The following PCNT variants were observed in gnomAD, a reference collection of about 807,000 sequenced individuals.
PCNT encodes kendrin.
In PCNT, 319 loss-of-function variants were observed where a neutral mutation model predicts 380.4. The observed-to-expected ratio is 0.84, with a 90% CI of 0.77 to 0.92. PCNT has a LOEUF of 0.92. Among genes scored for constraint, PCNT ranks in the 40% least tolerant of loss-of-function variants. The pLI is 0.00. For synonymous variants in PCNT, 1,845 were observed against 1,735.2 expected (o/e 1.06, Z -1.57); for missense variants, 4,400 against 4,255.3 (o/e 1.03, Z -0.95).
At position 46,416,291 on chromosome 21, in the gene PCNT, C is replaced by T. The variant is rs779317149; in HGVS notation, c.6373C>T (p.His2125Tyr). Reference sequence around the variant, plus strand: ...CGGAGAAGAGCCTGACATATCACCCCACATAGACACATGTGATGCCAATAC... The same window carrying T: ...CGGAGAAGAGCCTGACATATCACCCTACATAGACACATGTGATGCCAATAC... ...CDGEEPDISPHIDTCDANTAT... is the reference protein window; with the variant it reads ...CDGEEPDISPYIDTCDANTAT... The change falls in exon 30 of 47, where the codon CAC becomes TAC. Residue 2125 changes from histidine (H) to tyrosine (Y), a missense_variant. Coordinates refer to ENST00000359568, the MANE Select transcript of PCNT (RefSeq NM_006031.6). 6 of 1,614,018 alleles carry T rather than the reference C, an allele frequency of 3.7e-6. No individual in the cohort carries two copies. The highest frequency in any genetic ancestry group is 1.7e-5 in the Admixed American group (1 of 60,002).
chr21:46,390,817 C>A lies in PCNT; in HGVS notation c.3988C>A (p.Leu1330Met). Reference sequence around the variant, plus strand: ...AGCAAAGGCAGAGCTGGCGCTGGAGCTGCACAAGACTCAGGGTGAGCAGCA... The same window carrying A: ...AGCAAAGGCAGAGCTGGCGCTGGAGATGCACAAGACTCAGGGTGAGCAGCA... ...SAAKAELALE[L>M]HKTQGTLEGF... The change falls in exon 20 of 47, where the codon CTG (leucine) becomes ATG (methionine). Residue 1330 changes from leucine (L) to methionine (M), a missense_variant. Coordinates refer to ENST00000359568, the MANE Select transcript of PCNT (RefSeq NM_006031.6). 6.2e-7 allele frequency: 1 copy of A among 1,609,010 alleles called. No individual in the cohort carries two copies. Among genetic ancestry groups the A allele is most frequent in the Non-Finnish European group, 8.5e-7 (1 of 1,178,240 alleles).
At chr21:46,369,863 G>A (rs2085055338) in intron 15 of PCNT, among the ~76,000 whole-genome samples, 1 of 152,226 alleles carries the variant, frequency 6.6e-6, no homozygotes, top group Non-Finnish European at 1.5e-5. Context: ...TGCTCCTGGA[G>A]CATCAGCACC....
chr21:46,360,292 G>A lies in PCNT; in HGVS notation c.2154+3101G>A, dbSNP rs147022585. 2.7e-3 allele frequency among the ~76,000 whole-genome samples: 352 copies of A among 132,022 alleles called. 5 individuals are homozygous for A. The highest frequency in any genetic ancestry group is 9.9e-3 in the African/African-American group (342 of 34,448). The allele number at this position is 132,022 out of a possible 152,430, so 86.6% of individuals were successfully genotyped here. On this transcript the variant is annotated intron_variant, in intron 13 of 46. Transcript: ENST00000359568. ...GGCTGGAGTGCAGTGGCACGATCTC[G>A]GCTCACTGCAACCTCTGCCTCCCGG...
chr21:46,395,377 A>G (rs1420097621), intron 21 of PCNT, among the ~76,000 whole-genome samples: 1 of 152,184 alleles, frequency 6.6e-6, no homozygotes, highest in African/African-American at 2.4e-5. Flanking sequence ...AAATAATTAT[A>G]ATAAAATAGA....
rs775646699 is a variant in PCNT, at chr21:46,430,705, G to A, written c.8064+48G>A. The A allele has an allele frequency of 3.2e-5, 49 of 1,551,422 alleles. No homozygotes were observed. In the Middle Eastern group the frequency reaches 6.9e-4, roughly 22 times the overall value. The stretch of plus-strand genomic sequence containing the variant: ...CAGCCGGCATGGGCTGTGTGCACTG[G>A]AAGCCTGAAGCCATGCTCCTCTTTC... On this transcript the variant is annotated intron_variant, in intron 37 of 46. Coordinates refer to ENST00000359568, the MANE Select transcript of PCNT (RefSeq NM_006031.6).
chr21:46,371,452 G>A (rs990827952), intron 15 of PCNT, among the ~76,000 whole-genome samples: 1 of 152,086 alleles, frequency 6.6e-6, no homozygotes, highest in Non-Finnish European at 1.5e-5. Context: ...CCTCCCCAAA[G>A]CACTGGGATT....
At chr21:46,391,873 T>C (rs1452003140) in intron 21 of PCNT, among the ~76,000 whole-genome samples, 1 of 152,234 alleles carries the variant, frequency 6.6e-6, no homozygotes, top group Non-Finnish European at 1.5e-5. Flanking sequence ...TGCAGGGAGC[T>C]GCGTCCTCAG....
At position 46,431,931 on chromosome 21, in the gene PCNT, G is replaced by C; in HGVS notation, c.8467G>C (p.Glu2823Gln). The change falls in exon 38 of 47, where the codon GAG (glutamate) becomes CAG (glutamine). Residue 2823 changes from glutamate (E) to glutamine (Q), a missense_variant. Coordinates refer to ENST00000359568, the MANE Select transcript of PCNT (RefSeq NM_006031.6). ...QQALHSQQQL[E>Q]AEAQKHCEAL... ...AGCCCTGCATTCTCAGCAGCAGCTT[G>C]AGGCTGAGGCTCAGAAGCACTGTGA... is the stretch of plus-strand genomic sequence containing the variant. The C allele has an allele frequency of 1.9e-6, 3 of 1,614,060 alleles. No homozygotes were observed. The highest frequency in any genetic ancestry group is 2.5e-6 in the Non-Finnish European group (3 of 1,179,998).
chr21:46,381,140 G>C (rs940503508), intron 15 of PCNT, among the ~76,000 whole-genome samples: 1 of 142,924 alleles, frequency 7.0e-6, no homozygotes, highest in Non-Finnish European at 1.5e-5. Flanking sequence ...TCACACCACT[G>C]CATTCCAGCC....
chr21:46,326,715 A>G lies in PCNT; in HGVS notation c.267+126A>G. ...AAGTGAGGAAAGAGGGTGTTATTTT[A>G]GTTTATAAAAAGTGAGGGCCGGGTG... On this transcript the variant is annotated intron_variant, in intron 2 of 46. Transcript: ENST00000359568. 3.7e-6 allele frequency: 4 copies of G among 1,091,814 alleles called. 1 individual carries two copies. In the South Asian group the frequency reaches 5.4e-5, roughly 15 times the overall value. 67.6% of individuals were successfully genotyped at this position (1,091,814 alleles called of 1,614,324 possible).
chr21:46,431,541 T>C lies in PCNT; in HGVS notation c.8077T>C (p.Ser2693Pro). ...GTTTGCTGTCTAGGAGCTGCGGGCG[T>C]CTTTGGAGACACAGCGTGCTCAGAG... ...SAKALEELRASLETQRAQSSR... is the reference protein window; with the variant it reads ...SAKALEELRAPLETQRAQSSR... Residue 2693 changes from serine (S) to proline (P), a missense_variant, in exon 38 of 47, where the codon TCT (serine) becomes CCT (proline). Physicochemically the swap from Ser to Pro is moderately conservative, Grantham distance 74. Transcript: ENST00000359568. 6.2e-7 allele frequency: 1 copy of C among 1,614,024 alleles called. No homozygotes were observed. The highest frequency in any genetic ancestry group is 8.5e-7 in the Non-Finnish European group (1 of 1,179,954).
chr21:46,430,600 G>T lies in PCNT; in HGVS notation c.8007G>T (p.Leu2669=). The T allele has an allele frequency of 6.4e-7, 1 of 1,567,660 alleles. No individual in the cohort carries two copies. The highest frequency in any genetic ancestry group is 8.6e-7 in the Non-Finnish European group (1 of 1,156,708). ...QGKGRALQSQ[L]EEEQLRHLQR... The stretch of plus-strand genomic sequence containing the variant: ...AGGGGCGTGCCCTGCAGAGCCAGCT[G>T]GAGGAGGAGCAGCTGCGGCACCTGC... Residue 2669 remains leucine (L), a synonymous_variant, in exon 37 of 47, where the codon CTG becomes CTT. Coordinates refer to ENST00000359568, the MANE Select transcript of PCNT (RefSeq NM_006031.6).
intron 15 of PCNT, among the ~76,000 whole-genome samples, chr21:46,369,410 G>A (rs2085042225): frequency 6.6e-6 from 1 of 152,186 alleles, no homozygotes; most frequent in Non-Finnish European, 1.5e-5. Flanking sequence ...GAGCCATGTT[G>A]TCTTTCTGGA....
In PCNT at chr21:46,355,758, G is replaced by A. The variant is rs1396775662; in HGVS notation, c.1936+132G>A. Reference sequence around the variant, plus strand: ...GAGTGCTCCGACCTCTTCTTCTGGGGCTGACACCTCAACAGAGTGTGTCCT... The same window carrying A: ...GAGTGCTCCGACCTCTTCTTCTGGGACTGACACCTCAACAGAGTGTGTCCT... On this transcript the variant is annotated intron_variant, in intron 12 of 46. Transcript: ENST00000359568. The A allele has an allele frequency of 6.8e-6, 6 of 878,448 alleles. No individual in the cohort carries two copies. The East Asian group carries it at 1.6e-4, about 23-fold the overall frequency. 54.4% of individuals were successfully genotyped at this position (878,448 alleles called of 1,614,324 possible).
intron 2 of PCNT, among the ~76,000 whole-genome samples, chr21:46,333,972 C>G (rs1048751365): frequency 6.6e-6 from 1 of 151,970 alleles, no homozygotes; most frequent in East Asian, 1.9e-4. Flanking sequence ...TTTGGGAGGC[C>G]AAGGCGGGCG....
intron 15 of PCNT, 127 bp downstream of exon 15, chr21:46,367,266 G>C (rs2084961851): frequency 3.9e-6 from 3 of 769,530 alleles, no homozygotes; most frequent in Admixed American, 2.3e-5. Context: ...TGTCTCACAG[G>C]CTGCCGAGAT....
At chr21:46,326,066 C>G (rs1260305728) in intron 1 of PCNT, among the ~76,000 whole-genome samples, 3 of 152,198 alleles carry the variant, frequency 2.0e-5, no homozygotes, top group Non-Finnish European at 4.4e-5. Context: ...ATTAAGCTAT[C>G]AATCTTTTAT....
chr21:46,370,725 G>A (rs907803087), intron 15 of PCNT, among the ~76,000 whole-genome samples: 1 of 152,158 alleles, frequency 6.6e-6, no homozygotes. Flanking sequence ...GGGGAACATA[G>A]CAAGAGTCCA....
At chr21:46,338,608 T>G (rs1352742221) in intron 3 of PCNT, among the ~76,000 whole-genome samples, 1 of 150,244 alleles carries the variant, frequency 6.7e-6, no homozygotes, top group Non-Finnish European at 1.5e-5. Context: ...ATGTGTCTTT[T>G]TTTTTTTTTT....
Sources: allele counts gnomAD v4.1 joint callset (sites outside exome capture counted in the v4.1 genomes callset), GRCh38; gene constraint gnomAD v4.1.1; transcripts MANE v1.5; gene names NCBI Gene and HGNC (gene_info 2026-07-23, HGNC 2026-07-21).